Variants in GADL1 observed in about 807,000 individuals in gnomAD.
GADL1 encodes the protein acidic amino acid decarboxylase GADL1.
GADL1 carries 71 observed loss-of-function variants against 69.5 expected under a neutral mutation model. That is an observed-to-expected ratio of 1.02 (90% confidence interval 0.84 to 1.25). The LOEUF (loss-of-function observed/expected upper bound fraction) is 1.25, where lower values mean the gene tolerates loss of function less well. GADL1 is among the 50% of genes most tolerant of loss of function. The probability of loss-of-function intolerance (pLI) is 0.00; values close to 1 mark genes in which losing one functional copy is unlikely to be tolerated. For missense variants in GADL1, 737 were observed against 631.8 expected (o/e 1.17, Z -1.79); for synonymous variants, 254 against 214.4 (o/e 1.18, Z -1.62).
chr3:30,735,056 A>T (rs1347400465), intron 14 of GADL1, among the ~76,000 whole-genome samples: 1 of 152,148 alleles, frequency 6.6e-6, no homozygotes, highest in Non-Finnish European at 1.5e-5. Flanking sequence ...AGGTAAAATG[A>T]TCTGATTTCT....
At chr3:30,874,742 G>T (rs770345518) in intron 1 of GADL1, among the ~76,000 whole-genome samples, 1 of 151,786 alleles carries the variant, frequency 6.6e-6, no homozygotes, top group African/African-American at 2.4e-5. Context: ...TAGGTCCTTT[G>T]TAAACAGCAG....
intron 12 of GADL1, chr3:30,800,019 GTCT>G (rs1410568966): frequency 5.3e-5 from 8 of 152,266 alleles, no homozygotes; most frequent in Admixed American, 2.0e-4. Flanking sequence ...GAATTTTCCT[GTCT>G]TCTTCTGAGC....
chr3:30,764,705 C>T (rs1696227437), intron 14 of GADL1, among the ~76,000 whole-genome samples: 1 of 152,186 alleles, frequency 6.6e-6, no homozygotes. Flanking sequence ...TGTTAACTCA[C>T]ATGATAGACA....
intron 1 of GADL1, among the ~76,000 whole-genome samples, chr3:30,877,852 G>A (rs933135860): frequency 1.3e-5 from 2 of 151,900 alleles, no homozygotes; most frequent in Non-Finnish European, 2.9e-5. Context: ...AACCATAATA[G>A]ATTTTAATAT....
chr3:30,797,676 T>G (rs6796946), intron 12 of GADL1: 32,014 of 151,414 alleles, frequency 0.21, 3,737 homozygotes, highest in Non-Finnish European at 0.26. Flanking sequence ...TTTTGTTTTT[T>G]TTTTGTTTTT....
intron 12 of GADL1, among the ~76,000 whole-genome samples, chr3:30,790,998 C>CT (rs35630766): frequency 1.2e-3 from 183 of 146,648 alleles, no homozygotes; most frequent in African/African-American, 2.1e-3. Context: ...AATTTTTACA[C>CT]TTTTTTTTTT....
chr3:30,756,712 T>A (rs1695981686), intron 14 of GADL1, among the ~76,000 whole-genome samples: 1 of 152,190 alleles, frequency 6.6e-6, no homozygotes, highest in Non-Finnish European at 1.5e-5. Flanking sequence ...GAGGAGAGTT[T>A]AGTTGTCCCA....
intron 2 of GADL1, among the ~76,000 whole-genome samples, chr3:30,861,287 T>C (rs980263119): frequency 3.3e-5 from 5 of 151,380 alleles, no homozygotes; most frequent in Admixed American, 2.7e-4. Flanking sequence ...AGGTTACTTA[T>C]CTATGTTATT....
intron 14 of GADL1, among the ~76,000 whole-genome samples, chr3:30,744,575 A>G (rs6765464): frequency 0.29 from 43,681 of 151,678 alleles, 6,379 homozygotes; most frequent in African/African-American, 0.31. Context: ...TTAGCCGGGT[A>G]TGGTGGCTCA....
chr3:30,792,259 A>T (rs1237678802), intron 12 of GADL1, among the ~76,000 whole-genome samples: 7 of 152,184 alleles, frequency 4.6e-5, no homozygotes, highest in African/African-American at 1.7e-4. Flanking sequence ...TATCAATTAG[A>T]TTGATTTTTG....
At chr3:30,832,675 A>T (rs1441018793) in intron 11 of GADL1, among the ~76,000 whole-genome samples, 1 of 152,010 alleles carries the variant, frequency 6.6e-6, no homozygotes, top group East Asian at 1.9e-4. Flanking sequence ...TCTCTGTCCC[A>T]TCCTAAATGT....
chr3:30,742,149 T>C (rs1294060449), intron 14 of GADL1, among the ~76,000 whole-genome samples: 1 of 152,186 alleles, frequency 6.6e-6, no homozygotes, highest in Non-Finnish European at 1.5e-5. Context: ...GATGAGACTC[T>C]AGACATCATA....
At chr3:30,860,146 T>C (rs1353273) in intron 2 of GADL1, among the ~76,000 whole-genome samples, 44,492 of 151,658 alleles carry the variant, frequency 0.29, 8,225 homozygotes, top group African/African-American at 0.53. Flanking sequence ...TGCCCTTTAC[T>C]TACATTCCAC....
chr3:30,826,443 C>G (rs1347890545), intron 11 of GADL1, among the ~76,000 whole-genome samples: 1 of 151,860 alleles, frequency 6.6e-6, no homozygotes, highest in African/African-American at 2.4e-5. Context: ...AGAGAGATAT[C>G]TACACCCTCA....
chr3:30,762,026 T>C (rs898901827), intron 14 of GADL1, among the ~76,000 whole-genome samples: 1 of 152,126 alleles, frequency 6.6e-6, no homozygotes, highest in African/African-American at 2.4e-5. Flanking sequence ...GGTCTTGCAA[T>C]GTGACGTGGG....
chr3:30,854,906 T>C (rs1322682188), intron 3 of GADL1, 117 bp from the exon 4 acceptor site: 7 of 607,644 alleles, frequency 1.2e-5, no homozygotes, highest in South Asian at 2.2e-5. Flanking sequence ...AGAAGAGTTA[T>C]ATATAACGTA....
At chr3:30,843,412 C>T (rs1233299252) in intron 8 of GADL1, among the ~76,000 whole-genome samples, 5 of 152,088 alleles carry the variant, frequency 3.3e-5, no homozygotes, top group South Asian at 2.1e-4. Context: ...TGCACCACCA[C>T]GCCCGGCGAA....
At chr3:30,761,318 G>A (rs1696125417) in intron 14 of GADL1, among the ~76,000 whole-genome samples, 1 of 152,060 alleles carries the variant, frequency 6.6e-6, no homozygotes, top group Non-Finnish European at 1.5e-5. Context: ...AGCTAAAATT[G>A]ACTCAATATT....
At chr3:30,807,997 A>C (rs1559505583) in intron 11 of GADL1, among the ~76,000 whole-genome samples, 1 of 152,036 alleles carries the variant, frequency 6.6e-6, no homozygotes, top group African/African-American at 2.4e-5. Context: ...GTGCCACTGC[A>C]CTCCAGCCTG....
Sources: allele counts gnomAD v4.1 joint callset (sites outside exome capture counted in the v4.1 genomes callset), GRCh38; gene constraint gnomAD v4.1.1; transcripts MANE v1.5; gene names NCBI Gene and HGNC (gene_info 2026-07-23, HGNC 2026-07-21).